LCMT2: variants seen among roughly 807,000 people sequenced by gnomAD.
LCMT2 encodes the protein tRNA wybutosine-synthesizing protein 4.
LCMT2 carries 34 observed loss-of-function variants against 42.0 expected under a neutral mutation model. The observed-to-expected ratio is 0.81, with a 90% CI of 0.62 to 1.08. The LOEUF is 1.08. LCMT2 is among the 50% of genes least tolerant of loss of function. The pLI is 0.00. For missense variants in LCMT2, 1,091 were observed against 889.4 expected, an observed-to-expected ratio of 1.23 and a Z score of -2.88; for synonymous variants, 445 against 369.5, an observed-to-expected ratio of 1.20 and a Z score of -2.34.
In LCMT2 at chr15:43,329,621, A is replaced by C. The variant is rs781469154; in HGVS notation, c.869T>G (p.Ile290Ser). 6.2e-7 allele frequency: 1 copy of C among 1,614,082 alleles called. No homozygotes were observed. Among genetic ancestry groups the C allele is most frequent in the East Asian group, 2.2e-5 (1 of 44,882 alleles). ...PAEERRRVEN[I>S]EPFDEFEEWH... ...CTCCTCAAATTCGTCAAAGGGTTCA[A>C]TATTTTCCACCCGCCGGCGTTCTTC... Residue 290 changes from isoleucine (I) to serine (S), a missense_variant, in exon 1 of 1, where the codon ATT (isoleucine) becomes AGT (serine). Transcript: ENST00000305641.
rs958706324 is a variant in LCMT2 at position 43,326,929 on chromosome 15, G to C, written c.*1500C>G. The C allele has an allele frequency of 6.6e-6, 1 of 152,182 alleles. No individual in the cohort carries two copies. The highest frequency in any genetic ancestry group is 6.5e-5 in the Admixed American group (1 of 15,282). The allele number at this position is 152,182 out of a possible 1,614,324, so 9.4% of individuals were successfully genotyped here. On this transcript the variant is annotated 3_prime_UTR_variant, in exon 1 of 1. Transcript: ENST00000305641. ...ATAATCATTTAGGCACTTGTAGAAT[G>C]AAAACTACTAAGGTTTCTAGGACTA...
Position 43,329,876 on chromosome 15 carries a change from C to T in LCMT2, c.614G>A (p.Trp205Ter), listed in dbSNP as rs2043158997. ...EPESAAALIA[W>*]AAQRFPNALF... is the part of the protein sequence containing the mutation. ...GGCATTAGGAAAACGCTGGGCTGCC[C>T]AGGCGATGAGGGCCGCGGCACTCTC... Residue 205 changes from tryptophan (W) to a stop codon, truncating the protein, a stop_gained, in exon 1 of 1, where the codon TGG (tryptophan) becomes TAG (stop). Coordinates refer to ENST00000305641, the MANE Select transcript of LCMT2 (RefSeq NM_014793.5). LOFTEE classifies it high-confidence loss of function. The T allele has an allele frequency of 6.2e-7, 1 of 1,613,382 alleles. No homozygotes were observed. Among genetic ancestry groups the T allele is most frequent in the Non-Finnish European group, 8.5e-7 (1 of 1,179,904 alleles).
rs931873599 is a variant in LCMT2, at chr15:43,330,318, C to G, written c.172G>C (p.Val58Leu). 1.2e-6 allele frequency: 2 copies of G among 1,600,502 alleles called. No individual in the cohort carries two copies. The highest frequency in any genetic ancestry group is 1.7e-6 in the Non-Finnish European group (2 of 1,177,884). ...CAGTGCCTCACGGCGCGTGCGCGGA[C>G]GTAGTAGCCTCGGTGAATGAGCGGT... The part of the protein sequence containing the change: ...RAPLIHRGYY[V>L]RARAVRHCVR... The change falls in exon 1 of 1, where the codon GTC (valine) becomes CTC (leucine). Residue 58 changes from valine to leucine, a missense_variant. Physicochemically the swap from Val to Leu is conservative, Grantham distance 32. Transcript: ENST00000305641.
chr15:43,324,775 T>C lies in LCMT2; in HGVS notation c.*3654A>G, dbSNP rs945246883. 3 of 152,246 alleles carry C rather than the reference T, an allele frequency of 2.0e-5. No homozygotes were observed. Among genetic ancestry groups the C allele is most frequent in the African/African-American group, 7.2e-5 (3 of 41,430 alleles). The allele number at this position is 152,246 out of a possible 1,614,324, so 9.4% of individuals were successfully genotyped here. On this transcript the variant is annotated 3_prime_UTR_variant, in exon 1 of 1. Coordinates refer to ENST00000305641, the MANE Select transcript of LCMT2 (RefSeq NM_014793.5). Reference sequence around the variant, plus strand: ...ACAGGGAGAAAGCGGTTGGTTCCATTTGGGGCAGTCATATAGGGCTGTTTT... The same window carrying C: ...ACAGGGAGAAAGCGGTTGGTTCCATCTGGGGCAGTCATATAGGGCTGTTTT...
At position 43,328,869 on chromosome 15, in the gene LCMT2, T is replaced by C. The variant is rs748909352; in HGVS notation, c.1621A>G (p.Thr541Ala). ...PEARHSHSAC[T>A]WQGGALIAGG... is the part of the protein sequence containing the mutation. ...GCAATAAGGGCTCCCCCTTGCCAAG[T>C]GCAGGCACTGTGAGAATGCCGGGCT... Residue 541 changes from threonine (T) to alanine (A), a missense_variant, in exon 1 of 1, where the codon ACT becomes GCT. Transcript: ENST00000305641. 8 of 1,613,864 alleles carry C rather than the reference T, an allele frequency of 5.0e-6. No homozygotes were observed. In the East Asian group the frequency reaches 1.8e-4, roughly 36 times the overall value.
In LCMT2 at chr15:43,326,896, G is replaced by C. The variant is rs565161603; in HGVS notation, c.*1533C>G. The C allele has an allele frequency of 6.6e-6, 1 of 152,252 alleles. No individual in the cohort carries two copies. The highest frequency in any genetic ancestry group is 1.5e-5 in the Non-Finnish European group (1 of 68,020). The allele number at this position is 152,252 out of a possible 1,614,324, so 9.4% of individuals were successfully genotyped here. A position where few individuals can be genotyped will look rare whatever the true frequency, so the allele number is the denominator to read the frequency against. On this transcript the variant is annotated 3_prime_UTR_variant, in exon 1 of 1. Transcript: ENST00000305641. ...AAGGATGCAATTTGTCATCAATGATGGTTCATAATAATCATTTAGGCACTT... is the reference window on the plus strand; with the variant it reads ...AAGGATGCAATTTGTCATCAATGATCGTTCATAATAATCATTTAGGCACTT...
chr15:43,326,621 T>C lies in LCMT2; in HGVS notation c.*1808A>G, dbSNP rs2043119637. The C allele has an allele frequency of 6.6e-6, 1 of 152,248 alleles. No homozygotes were observed. The highest frequency in any genetic ancestry group is 1.5e-5 in the Non-Finnish European group (1 of 68,124). The allele number at this position is 152,248 out of a possible 1,614,324, so 9.4% of individuals were successfully genotyped here. ...TGTAGAGATGGGGATCTGACTTTGT[T>C]GCCTGGGCTGGTCTTAAACTCCTGG... On this transcript the variant is annotated 3_prime_UTR_variant, in exon 1 of 1. Coordinates refer to ENST00000305641, the MANE Select transcript of LCMT2 (RefSeq NM_014793.5).
In LCMT2 at chr15:43,330,135, C is replaced by T. The variant is rs142722274; in HGVS notation, c.355G>A (p.Ala119Thr). The change falls in exon 1 of 1, where the codon GCG becomes ACG. Residue 119 changes from alanine to threonine, a missense_variant. By Grantham distance (58) the Ala-to-Thr change is moderately conservative (BLOSUM62 0). Transcript: ENST00000305641. Reference protein sequence around the residue: ...AVWEVDFPDVARRKAERIGET... With the variant: ...AVWEVDFPDVTRRKAERIGET... ...CCAATCCTTTCTGCTTTGCGCCGCGCCACGTCCGGAAAATCCACCTCCCAG... is the reference window on the plus strand; with the variant it reads ...CCAATCCTTTCTGCTTTGCGCCGCGTCACGTCCGGAAAATCCACCTCCCAG... 1.9e-6 allele frequency: 3 copies of T among 1,611,894 alleles called. No homozygotes were observed. The African/African-American group carries it at 4.0e-5, about 22-fold the overall frequency.
In LCMT2 at chr15:43,329,499, G is replaced by T; in HGVS notation, c.991C>A (p.Arg331Ser). 1.9e-6 allele frequency: 3 copies of T among 1,614,182 alleles called. No individual in the cohort carries two copies. Among genetic ancestry groups the T allele is most frequent in the Non-Finnish European group, 1.7e-6 (2 of 1,180,038 alleles). ...CCTGAAGGCGAAGCAGGATTTACGCGAGGAAATGCCTCTGAGGATGGAAAC... is the reference window on the plus strand; with the variant it reads ...CCTGAAGGCGAAGCAGGATTTACGCTAGGAAATGCCTCTGAGGATGGAAAC... ...LVFPSSEAFP[R>S]VNPASPSGVF... The change falls in exon 1 of 1, where the codon CGC (arginine) becomes AGC (serine). Residue 331 changes from arginine to serine, a missense_variant. By Grantham distance (110) the Arg-to-Ser change is moderately radical. Coordinates refer to ENST00000305641, the MANE Select transcript of LCMT2 (RefSeq NM_014793.5).
chr15:43,329,834 T>C lies in LCMT2; in HGVS notation c.656A>G (p.Glu219Gly). The C allele has an allele frequency of 6.2e-7, 1 of 1,613,868 alleles. No individual in the cohort carries two copies. Among genetic ancestry groups the C allele is most frequent in the Non-Finnish European group, 8.5e-7 (1 of 1,180,008 alleles). Reference protein sequence around the residue: ...RFPNALFVVYEQMRPQDAFGQ... With the variant: ...RFPNALFVVYGQMRPQDAFGQ... The stretch of plus-strand genomic sequence containing the variant: ...AAAGGCGTCTTGAGGCCTCATCTGC[T>C]CATAGACCACGAAAAGGGCATTAGG... Residue 219 changes from glutamate (E) to glycine (G), a missense_variant, in exon 1 of 1, where the codon GAG (glutamate) becomes GGG (glycine). Physicochemically the swap from Glu to Gly is moderately conservative, Grantham distance 98 (BLOSUM62 -2). Transcript: ENST00000305641.
rs556037243 is a variant in LCMT2, at chr15:43,328,305, A to G, written c.*124T>C. 10 of 1,074,180 alleles carry G rather than the reference A, an allele frequency of 9.3e-6. No individual in the cohort carries two copies. The South Asian group carries it at 1.5e-4, about 17-fold the overall frequency. The allele number at this position is 1,074,180 out of a possible 1,614,324, so 66.5% of individuals were successfully genotyped here. On this transcript the variant is annotated 3_prime_UTR_variant, in exon 1 of 1. Coordinates refer to ENST00000305641, the MANE Select transcript of LCMT2 (RefSeq NM_014793.5). ...CCAACCTTTTTCACTTTTTGCACTG[A>G]ATAGTGCTAAGGGAAAAAAAGGATG...
Position 43,330,515 on chromosome 15 carries a change from G to A in LCMT2, c.-26C>T, listed in dbSNP as rs762123287. The A allele has an allele frequency of 3.3e-6, 5 of 1,510,914 alleles. No homozygotes were observed. The African/African-American group carries it at 5.6e-5, about 17-fold the overall frequency. 93.6% of individuals were successfully genotyped at this position (1,510,914 alleles called of 1,614,324 possible). A position where few individuals can be genotyped will look rare whatever the true frequency, so the allele number is the denominator to read the frequency against. ...GGCCAGAAGAGACTCAGGAATGGCA[G>A]TCTGTCACGGTTGTGAGCCGCCCCT... On this transcript the variant is annotated 5_prime_UTR_variant, in exon 1 of 1. Transcript: ENST00000305641.
rs769217909 is a variant in LCMT2 at position 43,328,309 on chromosome 15, G to A, written c.*120C>T. 6.3e-6 allele frequency: 7 copies of A among 1,118,832 alleles called. No individual in the cohort carries two copies. The highest frequency in any genetic ancestry group is 9.0e-6 in the Non-Finnish European group (7 of 779,634). 69.3% of individuals were successfully genotyped at this position (1,118,832 alleles called of 1,614,324 possible). ...CCTTTTTCACTTTTTGCACTGAATA[G>A]TGCTAAGGGAAAAAAAGGATGGGGA... On this transcript the variant is annotated 3_prime_UTR_variant, in exon 1 of 1. Transcript: ENST00000305641.
chr15:43,328,397 A>G lies in LCMT2; in HGVS notation c.*32T>C. The stretch of plus-strand genomic sequence containing the variant: ...CTATTTGTGGAAAACTTTATTGTCT[A>G]CTTTAGTGGGTCCTGAATATTAGTC... On this transcript the variant is annotated 3_prime_UTR_variant, in exon 1 of 1. Transcript: ENST00000305641. The G allele has an allele frequency of 1.3e-6, 2 of 1,586,382 alleles. No homozygotes were observed. Among genetic ancestry groups the G allele is most frequent in the Non-Finnish European group, 1.7e-6 (2 of 1,166,642 alleles).
chr15:43,330,128 C>T lies in LCMT2; in HGVS notation c.362G>A (p.Arg121His). The T allele has an allele frequency of 6.2e-7, 1 of 1,611,900 alleles. No individual in the cohort carries two copies. Among genetic ancestry groups the T allele is most frequent in the South Asian group, 1.1e-5 (1 of 91,074 alleles). The change falls in exon 1 of 1, where the codon CGC becomes CAC. Residue 121 changes from arginine to histidine, a missense_variant. Arg to His is a conservative substitution (Grantham distance 29, BLOSUM62 0). Transcript: ENST00000305641. Reference protein sequence around the residue: ...WEVDFPDVARRKAERIGETPE... With the variant: ...WEVDFPDVARHKAERIGETPE... Reference sequence around the variant, plus strand: ...CGTCTCTCCAATCCTTTCTGCTTTGCGCCGCGCCACGTCCGGAAAATCCAC... The same window carrying T: ...CGTCTCTCCAATCCTTTCTGCTTTGTGCCGCGCCACGTCCGGAAAATCCAC...
At position 43,329,030 on chromosome 15, in the gene LCMT2, A is replaced by C; in HGVS notation, c.1460T>G (p.Val487Gly). 6.2e-7 allele frequency: 1 copy of C among 1,614,142 alleles called. No individual in the cohort carries two copies. The highest frequency in any genetic ancestry group is 8.5e-7 in the Non-Finnish European group (1 of 1,180,014). Residue 487 changes from valine (V) to glycine (G), a missense_variant, in exon 1 of 1, where the codon GTG becomes GGG. Coordinates refer to ENST00000305641, the MANE Select transcript of LCMT2 (RefSeq NM_014793.5). ...LCCWRHSTTE[V>G]SCQNQEYLFV... ...CAAATATTCCTGATTCTGACAGGAC[A>C]CTTCTGTTGTTGAATGCCGCCAACA...
chr15:43,328,434 G>C lies in LCMT2; in HGVS notation c.2056C>G (p.Gln686Glu), dbSNP rs1256551294. Reference sequence around the variant, plus strand: ...CCTGAATATTAGTCCAGTCCTTACTGCCCAGCACTTAAGGAAGAAAGGTCT... The same window carrying C: ...CCTGAATATTAGTCCAGTCCTTACTCCCCAGCACTTAAGGAAGAAAGGTCT... ...TLDLSSLSAGQ is the reference protein window; with the variant it reads ...TLDLSSLSAGE The change falls in exon 1 of 1, where the codon CAG (glutamine) becomes GAG (glutamate). Residue 686 changes from glutamine (Q) to glutamate (E), a missense_variant. Transcript: ENST00000305641. 6.2e-7 allele frequency: 1 copy of C among 1,613,002 alleles called. No homozygotes were observed.
rs1480985953 is a variant in LCMT2 at position 43,329,400 on chromosome 15, A to G, written c.1090T>C (p.Phe364Leu). The G allele has an allele frequency of 6.2e-7, 1 of 1,614,022 alleles. No individual in the cohort carries two copies. Among genetic ancestry groups the G allele is most frequent in the Non-Finnish European group, 8.5e-7 (1 of 1,180,030 alleles). Residue 364 changes from phenylalanine (F) to leucine (L), a missense_variant, in exon 1 of 1, where the codon TTC becomes CTC. By Grantham distance (22) the Phe-to-Leu change is conservative (BLOSUM62 0). Coordinates refer to ENST00000305641, the MANE Select transcript of LCMT2 (RefSeq NM_014793.5). ...CTGAGAATAACGTCTGGGCTCAAGA[A>G]GACAGAGGCGTGGCCATATCTCTTC... is the stretch of plus-strand genomic sequence containing the variant. ...NLKRYGHASVFLSPDVILSAG... is the reference protein window; with the variant it reads ...NLKRYGHASVLLSPDVILSAG...
rs71111812 is a variant in LCMT2 at position 43,326,034 on chromosome 15, A to ATTTTTTTTTTTTTT, written c.*2381_*2394dup. ...CTTTGTATATATAGATAGATGGATA[A>ATTTTTTTTTTTTTT]TTTTTTTTTTTTTTTTTTTTTTTTT... On this transcript the variant is annotated 3_prime_UTR_variant, in exon 1 of 1. Transcript: ENST00000305641. 2.8e-4 allele frequency: 20 copies of ATTTTTTTTTTTTTT among 70,556 alleles called. 1 individual carries two copies. Among genetic ancestry groups the ATTTTTTTTTTTTTT allele is most frequent in the Non-Finnish European group, 3.7e-4 (12 of 32,448 alleles). 4.4% of individuals were successfully genotyped at this position (70,556 alleles called of 1,614,324 possible).
Sources: gnomAD v4.1 joint callset for allele counts on GRCh38, gnomAD v4.1.1 for gene constraint, MANE v1.5 for transcripts, NCBI Gene and HGNC (gene_info 2026-07-23, HGNC 2026-07-21) for gene names.